PLCE1: variants seen among roughly 807,000 people sequenced by gnomAD.
The protein encoded by PLCE1 is 1-phosphatidylinositol 4,5-bisphosphate phosphodiesterase epsilon-1.
PLCE1 carries 119 observed loss-of-function variants against 242.8 expected under a neutral mutation model. That is an observed-to-expected ratio of 0.49 (90% CI 0.42 to 0.57). The LOEUF (loss-of-function observed/expected upper bound fraction) is 0.57. PLCE1 is among the 20% of genes least tolerant of loss of function. PLCE1 has a pLI of 0.00. For missense variants in PLCE1, 2,441 were observed against 2,788.8 expected (o/e 0.88, Z 2.81); for synonymous variants, 945 against 1,017.4 (o/e 0.93, Z 1.35).
In PLCE1 at chr10:94,030,931, T is replaced by C; in HGVS notation, c.-116T>C. 9.9e-7 allele frequency: 1 copy of C among 1,011,122 alleles called. No individual in the cohort carries two copies. Among genetic ancestry groups the C allele is most frequent in the Non-Finnish European group, 1.6e-6 (1 of 638,222 alleles). The allele number at this position is 1,011,122 out of a possible 1,614,324, so 62.6% of individuals were successfully genotyped here. A position where few individuals can be genotyped will look rare whatever the true frequency, so the allele number is the denominator to read the frequency against. On this transcript the variant is annotated 5_prime_UTR_variant, in exon 2 of 33. Coordinates refer to ENST00000371380, the MANE Select transcript of PLCE1 (RefSeq NM_016341.4). ...TGAAAGGAATTATCCCTTTGTTCTTTGGGAGGACTTGTGTATCTGAGATTG... is the reference window on the plus strand; with the variant it reads ...TGAAAGGAATTATCCCTTTGTTCTTCGGGAGGACTTGTGTATCTGAGATTG...
rs567953614 is a variant in PLCE1, at chr10:94,282,006, C to T, written c.4796-1784C>T. ...GGGCCTAAAAGGTTTCCTAGCTTCT[C>T]GTAATAATGGGTCTTTTTGAGAATC... is the stretch of plus-strand genomic sequence containing the variant. On this transcript the variant is annotated intron_variant, in intron 20 of 32. Transcript: ENST00000371380. Among the ~76,000 whole-genome samples the T allele has an allele frequency of 1.9e-4, 28 of 151,298 alleles. 1 individual carries two copies. In the South Asian group the frequency reaches 4.6e-3, roughly 25 times the overall value.
At chr10:94,194,999 G>A (rs58446977) in intron 4 of PLCE1, among the ~76,000 whole-genome samples, 47,972 of 151,862 alleles carry the variant, frequency 0.32, 8,719 homozygotes, top group African/African-American at 0.51. Context: ...GGTAGATAGT[G>A]GTGCTGATAT....
chr10:94,313,455 CTG>C, intron 28 of PLCE1, 73 bp downstream of exon 28: 1 of 1,550,868 alleles, frequency 6.4e-7, no homozygotes. Flanking sequence ...GTATAAATGC[CTG>C]TGTGTAAACA....
intron 2 of PLCE1, chr10:94,106,934 C>CTT (rs1323859037): frequency 7.6e-6 from 1 of 131,314 alleles, no homozygotes; most frequent in Non-Finnish European, 1.6e-5. Context: ...CTCTCTCTCT[C>CTT]TCTCTCTCTC....
intron 4 of PLCE1, among the ~76,000 whole-genome samples, chr10:94,222,092 G>A (rs1398818946): frequency 1.3e-5 from 2 of 152,164 alleles, no homozygotes; most frequent in Non-Finnish European, 2.9e-5. Context: ...TGGAAATGTG[G>A]GAAAGATGGT....
intron 2 of PLCE1, among the ~76,000 whole-genome samples, chr10:94,070,937 C>T (rs1049830135): frequency 2.0e-5 from 3 of 152,192 alleles, no homozygotes; most frequent in African/African-American, 7.2e-5. Flanking sequence ...ATCCGCTTCT[C>T]CTGATGGCGA....
At chr10:94,240,578 T>C (rs1248276114) in intron 7 of PLCE1, among the ~76,000 whole-genome samples, 1 of 152,168 alleles carries the variant, frequency 6.6e-6, no homozygotes, top group East Asian at 1.9e-4. Context: ...AAATTAAATT[T>C]ACGCTTGTTT....
At chr10:94,110,091 C>G (rs1396607120) in intron 2 of PLCE1, among the ~76,000 whole-genome samples, 1 of 80,658 alleles carries the variant, frequency 1.2e-5, no homozygotes, top group Non-Finnish European at 2.2e-5. Context: ...GAGATGGAGT[C>G]TCGCTCTGTC....
At position 94,298,541 on chromosome 10, in the gene PLCE1, C is replaced by T. The variant is rs3765524; in HGVS notation, c.5330C>T (p.Thr1777Ile). The T allele has an allele frequency of 0.28, 446,298 of 1,613,514 alleles. 64,048 individuals are homozygous for T. Among genetic ancestry groups the T allele is most frequent in the Middle Eastern group, 0.44 (2,647 of 6,060 alleles). ...TGTCGCAGGTATTCTCAGAAACTGA[C>T]CCAGCACACCGCCTGTCAGCTGCTG... ...RLCRRYSQKL[T>I]QHTACQLLRT... The change falls in exon 24 of 33, where the codon ACC (threonine) becomes ATC (isoleucine). Residue 1777 changes from threonine to isoleucine, a missense_variant. Transcript: ENST00000371380. The surrounding 1 kb of genome is among the most constrained non-coding windows in gnomAD (Gnocchi z 5.2).
intron 2 of PLCE1, among the ~76,000 whole-genome samples, chr10:94,078,813 A>G (rs7088723): frequency 0.33 from 49,725 of 152,118 alleles, 9,168 homozygotes; most frequent in African/African-American, 0.51. Flanking sequence ...GGCAATAGCT[A>G]CAACATTTTG....
chr10:94,229,255 TATC>T (rs144258349), intron 5 of PLCE1, among the ~76,000 whole-genome samples: 56,139 of 151,762 alleles, frequency 0.37, 10,668 homozygotes, highest in East Asian at 0.59. Context: ...AGAAAAGAAT[TATC>T]ATATTTTGAT....
chr10:94,313,622 T>C lies in PLCE1; in HGVS notation c.6132+240T>C, dbSNP rs115400559. On this transcript the variant is annotated intron_variant, in intron 28 of 32. Transcript: ENST00000371380. ...CTACCTTCAACCTGTAGAGAAGATT[T>C]TTAATGATTCTTAAGCTATATAAAA... is the stretch of plus-strand genomic sequence containing the variant. 6.7e-3 allele frequency among the ~76,000 whole-genome samples: 1,018 copies of C among 152,316 alleles called. 8 individuals carry two copies. Among genetic ancestry groups the C allele is most frequent in the African/African-American group, 0.023 (959 of 41,558 alleles).
At position 94,306,545 on chromosome 10, in the gene PLCE1, A is replaced by G; in HGVS notation, c.5741A>G (p.Asn1914Ser). The G allele has an allele frequency of 6.2e-7, 1 of 1,614,068 alleles. No homozygotes were observed. The highest frequency in any genetic ancestry group is 8.5e-7 in the Non-Finnish European group (1 of 1,179,994). The change falls in exon 26 of 33, where the codon AAC becomes AGC. Residue 1914 changes from asparagine (N) to serine (S), a missense_variant. By Grantham distance (46) the Asn-to-Ser change is conservative. Coordinates refer to ENST00000371380, the MANE Select transcript of PLCE1 (RefSeq NM_016341.4). The surrounding 1 kb of genome is among the most constrained non-coding windows in gnomAD (Gnocchi z 5.7). ...CHFRTKPIHR[N>S]TLNPMWNEQF... is the part of the protein sequence containing the mutation. ...TTCCGCACAAAGCCCATCCATCGAA[A>G]CACCCTGAACCCCATGTGGAACGAG...
At chr10:94,214,087 C>G (rs1405079509) in intron 4 of PLCE1, among the ~76,000 whole-genome samples, 1 of 152,114 alleles carries the variant, frequency 6.6e-6, no homozygotes, top group African/African-American at 2.4e-5. Flanking sequence ...TCCTTTGGCT[C>G]CACATCCTGT....
intron 4 of PLCE1, among the ~76,000 whole-genome samples, chr10:94,182,173 T>C (rs1399363812): frequency 2.6e-5 from 4 of 151,898 alleles, no homozygotes; most frequent in Non-Finnish European, 5.9e-5. Context: ...ATGGTTTCTA[T>C]CTTTGGGGTC....
intron 4 of PLCE1, among the ~76,000 whole-genome samples, chr10:94,180,970 C>G (rs747994120): frequency 6.6e-6 from 1 of 152,204 alleles, no homozygotes; most frequent in Non-Finnish European, 1.5e-5. Flanking sequence ...TCTCTTATAG[C>G]AGCACAAAAT....
chr10:94,268,313 A>G (rs1049257480), intron 16 of PLCE1, among the ~76,000 whole-genome samples: 2 of 152,194 alleles, frequency 1.3e-5, no homozygotes, highest in African/African-American at 4.8e-5. Context: ...GGTATGGGAG[A>G]AAGGAACCAT....
Position 94,265,660 on chromosome 10 carries a change from G to T in PLCE1, c.4067G>T (p.Ser1356Ile), listed in dbSNP as rs2051488992. 6.2e-7 allele frequency: 1 copy of T among 1,613,542 alleles called. No individual in the cohort carries two copies. The highest frequency in any genetic ancestry group is 8.5e-7 in the Non-Finnish European group (1 of 1,179,718). Residue 1356 changes from serine to isoleucine, a missense_variant, in exon 15 of 33, where the codon AGC becomes ATC. Coordinates refer to ENST00000371380, the MANE Select transcript of PLCE1 (RefSeq NM_016341.4). Reference sequence around the variant, plus strand: ...AATCCCTTGCAGAAGTTCGAGCCTAGCATCAGTATGTGTCATCAGGGACTA... The same window carrying T: ...AATCCCTTGCAGAAGTTCGAGCCTATCATCAGTATGTGTCATCAGGGACTA... ...ILSIIQKFEP[S>I]ISMCHQGLMS...
intron 2 of PLCE1, among the ~76,000 whole-genome samples, chr10:94,038,548 C>G (rs1316075860): frequency 6.6e-6 from 1 of 152,150 alleles, no homozygotes; most frequent in African/African-American, 2.4e-5. Flanking sequence ...GGCCATCACT[C>G]CTCAAACCCT....
Sources: allele counts gnomAD v4.1 joint callset (sites outside exome capture counted in the v4.1 genomes callset), GRCh38; gene constraint gnomAD v4.1.1; non-coding constraint Gnocchi (gnomAD v3.1); transcripts MANE v1.5; gene names NCBI Gene and HGNC (gene_info 2026-07-23, HGNC 2026-07-21).